Variants in RAB7A observed in about 807,000 individuals in gnomAD.
RAB7A encodes the protein RAB7A, member RAS oncogene family.
RAB7A carries 2 observed loss-of-function variants against 24.5 expected under a neutral mutation model. The observed-to-expected ratio is 0.08, with a 90% CI of 0.03 to 0.26. The LOEUF (loss-of-function observed/expected upper bound fraction) is 0.26. Among genes scored for constraint, RAB7A ranks in the 10% least tolerant of loss-of-function variants. The pLI is 1.00. For synonymous variants in RAB7A, 100 were observed against 95.9 expected, an observed-to-expected ratio of 1.04 and a Z score of -0.25; for missense variants, 118 against 255.7, an observed-to-expected ratio of 0.46 and a Z score of 3.67.
chr3:128,763,208 A>AT (rs1174944964), intron 1 of RAB7A, among the ~76,000 whole-genome samples: 806 of 76,094 alleles, frequency 0.011, 64 homozygotes, highest in African/African-American at 0.04. Flanking sequence ...ATATATATAT[A>AT]TTTTTTTTTT....
chr3:128,770,389 C>T (rs1050414501), intron 1 of RAB7A, among the ~76,000 whole-genome samples: 4 of 152,148 alleles, frequency 2.6e-5, no homozygotes, highest in African/African-American at 9.7e-5. Context: ...AGGCCTAGTA[C>T]AGGAGCTCAG....
intron 1 of RAB7A, among the ~76,000 whole-genome samples, chr3:128,790,712 C>T (rs539711300): frequency 1.3e-5 from 2 of 152,186 alleles, no homozygotes; most frequent in East Asian, 3.9e-4. Context: ...TTTCATTGAT[C>T]GGTTTAGTCC....
Position 128,806,363 on chromosome 3 carries a change from C to T in RAB7A, c.181-9C>T. The T allele has an allele frequency of 6.2e-7, 1 of 1,601,456 alleles. No individual in the cohort carries two copies. The highest frequency in any genetic ancestry group is 8.5e-7 in the Non-Finnish European group (1 of 1,169,860). On this transcript the variant is annotated splice_polypyrimidine_tract_variant and intron_variant, in intron 3 of 5. Coordinates refer to ENST00000265062, the MANE Select transcript of RAB7A (RefSeq NM_004637.6). ...TTCTCCCAAGGAATGAATGTTTTGT[C>T]TCTCACAGATATGGGACACAGCAGG...
At chr3:128,726,515 C>T (rs934447576) in intron 1 of RAB7A, among the ~76,000 whole-genome samples, 156 bp downstream of exon 1, 3 of 152,086 alleles carry the variant, frequency 2.0e-5, no homozygotes, top group Admixed American at 6.5e-5. Flanking sequence ...GCCCCCGGAG[C>T]AGGCCAAGAC....
At chr3:128,740,754 A>C (rs2070544111) in intron 1 of RAB7A, among the ~76,000 whole-genome samples, 1 of 150,304 alleles carries the variant, frequency 6.7e-6, no homozygotes, top group Non-Finnish European at 1.5e-5. Context: ...AAAAAAAAAA[A>C]TAGCTGGGTG....
chr3:128,804,192 A>AG (rs1933756220), intron 3 of RAB7A, among the ~76,000 whole-genome samples: 1 of 151,866 alleles, frequency 6.6e-6, no homozygotes, highest in African/African-American at 2.4e-5. Context: ...TAATGCCAAA[A>AG]GTCACACCCA....
intron 1 of RAB7A, among the ~76,000 whole-genome samples, chr3:128,741,208 G>T (rs1470275747): frequency 2.0e-5 from 3 of 151,844 alleles, no homozygotes; most frequent in African/African-American, 2.4e-5. Context: ...CAAGAATTTT[G>T]ATCCTTTTCG....
At chr3:128,762,046 T>G (rs1038857619) in intron 1 of RAB7A, among the ~76,000 whole-genome samples, 1 of 152,208 alleles carries the variant, frequency 6.6e-6, no homozygotes, top group Admixed American at 6.5e-5. Flanking sequence ...AAAAATAAAC[T>G]TCATGGTACT....
At chr3:128,729,130 T>A (rs565609206) in intron 1 of RAB7A, among the ~76,000 whole-genome samples, 27 of 152,262 alleles carry the variant, frequency 1.8e-4, no homozygotes, top group East Asian at 1.2e-3. Context: ...CAATTTTTTT[T>A]AAAATTTTTT....
chr3:128,760,309 G>C (rs79100162), intron 1 of RAB7A, among the ~76,000 whole-genome samples: 1 of 152,114 alleles, frequency 6.6e-6, no homozygotes, highest in East Asian at 1.9e-4. Context: ...CCGATTCTCA[G>C]ACCTCCCAAC....
intron 5 of RAB7A, among the ~76,000 whole-genome samples, chr3:128,808,167 G>A (rs1346533407): frequency 6.6e-6 from 1 of 151,994 alleles, no homozygotes; most frequent in Non-Finnish European, 1.5e-5. Context: ...GACCAGCCTG[G>A]CCAACATGGT....
At chr3:128,740,327 G>A (rs2070538615) in intron 1 of RAB7A, among the ~76,000 whole-genome samples, 1 of 152,174 alleles carries the variant, frequency 6.6e-6, no homozygotes, top group South Asian at 2.1e-4. Flanking sequence ...ATGGCCGTGA[G>A]CCGAGATGGC....
At chr3:128,735,504 G>A (rs2070482798) in intron 1 of RAB7A, among the ~76,000 whole-genome samples, 1 of 152,224 alleles carries the variant, frequency 6.6e-6, no homozygotes, top group African/African-American at 2.4e-5. Flanking sequence ...GGTGAGGAAT[G>A]GCTTTGATGT....
chr3:128,734,465 A>AG (rs2070470622), intron 1 of RAB7A, among the ~76,000 whole-genome samples: 1 of 95,980 alleles, frequency 1.0e-5, no homozygotes, highest in African/African-American at 7.5e-5. Context: ...AAAAAAAAAA[A>AG]AAAAAAAAAA....
At chr3:128,757,596 T>G (rs1008430706) in intron 1 of RAB7A, among the ~76,000 whole-genome samples, 1 of 152,018 alleles carries the variant, frequency 6.6e-6, no homozygotes, top group Non-Finnish European at 1.5e-5. Flanking sequence ...CTCAGCTCAC[T>G]GCAACCTCTG....
intron 4 of RAB7A, 42 bp from the exon 5 acceptor site, chr3:128,807,501 G>C: frequency 6.2e-7 from 1 of 1,612,880 alleles, no homozygotes; most frequent in Non-Finnish European, 8.5e-7. Flanking sequence ...AGTGCTGGCT[G>C]CTTCTGTCAT....
At chr3:128,781,952 G>A (rs1933231019) in intron 1 of RAB7A, among the ~76,000 whole-genome samples, 1 of 152,102 alleles carries the variant, frequency 6.6e-6, no homozygotes, top group Non-Finnish European at 1.5e-5. Context: ...GGCAGAAGTT[G>A]CAGTGAGCCA....
chr3:128,763,905 A>G (rs1196836313), intron 1 of RAB7A, among the ~76,000 whole-genome samples: 1 of 116,706 alleles, frequency 8.6e-6, no homozygotes, highest in Non-Finnish European at 1.6e-5. Context: ...TATAGTTCCT[A>G]CTTAAAAGAC....
intron 1 of RAB7A, among the ~76,000 whole-genome samples, chr3:128,731,446 A>G (rs1452945679): frequency 1.3e-5 from 2 of 152,242 alleles, no homozygotes; most frequent in Non-Finnish European, 2.9e-5. Flanking sequence ...TAAAAAAGCG[A>G]TAACATTTTG....
Sources: gnomAD v4.1 joint callset for allele counts (sites outside exome capture counted in the v4.1 genomes callset) on GRCh38, gnomAD v4.1.1 for gene constraint, MANE v1.5 for transcripts, NCBI Gene and HGNC (gene_info 2026-07-23, HGNC 2026-07-21) for gene names.